Variants in CAV1 observed in about 807,000 individuals in gnomAD.
The protein encoded by CAV1 is caveolin 1.
Under a neutral mutation model 16.5 loss-of-function variants are expected in CAV1, and 10 were observed. That is an observed-to-expected ratio of 0.61 (90% CI 0.37 to 1.03). The LOEUF is 1.03. CAV1 is among the 50% of genes least tolerant of loss of function. The pLI, the probability that CAV1 is intolerant of heterozygous loss-of-function variation, is 0.01. For synonymous variants in CAV1, 76 were observed against 85.1 expected (o/e 0.89, Z 0.59); for missense variants, 212 against 232.8 (o/e 0.91, Z 0.58).
At chr7:116,528,128 G>T (rs1174196103) in intron 2 of CAV1, among the ~76,000 whole-genome samples, 1 of 150,076 alleles carries the variant, frequency 6.7e-6, no homozygotes, top group Non-Finnish European at 1.5e-5. Context: ...GAGTTGCCAG[G>T]AAAAGAGGCA....
intron 1 of CAV1, chr7:116,526,218 G>C: frequency 1.0e-6 from 1 of 996,366 alleles, no homozygotes; most frequent in Non-Finnish European, 1.2e-6. Flanking sequence ...GCGTGCGCGG[G>C]CGGGGGCCTT....
intron 2 of CAV1, among the ~76,000 whole-genome samples, chr7:116,558,637 C>T (rs1283384471): frequency 4.6e-5 from 7 of 151,688 alleles, no homozygotes; most frequent in Admixed American, 4.6e-4. Context: ...CCTGTGGTCC[C>T]AGCTACTTAA....
intron 2 of CAV1, among the ~76,000 whole-genome samples, chr7:116,557,062 T>C (rs1794307582): frequency 6.6e-6 from 1 of 152,198 alleles, no homozygotes; most frequent in South Asian, 2.1e-4. Context: ...AGTATTGACC[T>C]GATTTGCCAT....
At position 116,545,744 on chromosome 7, in the gene CAV1, AATG is replaced by A. The variant is rs1304541225; in HGVS notation, c.196-13197_196-13195del. Among the ~76,000 whole-genome samples the A allele has an allele frequency of 2.0e-5, 3 of 152,232 alleles. No homozygotes were observed. In the East Asian group the frequency reaches 5.8e-4, roughly 29 times the overall value. Reference sequence around the variant, plus strand: ...CATGCAGACCAATGGGTAGACTGAAAATGATGAAGACATTTCCGTTTCTTGTGT... The same window carrying A: ...CATGCAGACCAATGGGTAGACTGAAAATGAAGACATTTCCGTTTCTTGTGT... On this transcript the variant is annotated intron_variant, in intron 2 of 2. Transcript: ENST00000341049.
chr7:116,552,332 T>C (rs1794180302), intron 2 of CAV1, among the ~76,000 whole-genome samples: 1 of 152,208 alleles, frequency 6.6e-6, no homozygotes, highest in African/African-American at 2.4e-5. Flanking sequence ...ATTTAGGTAG[T>C]GTATTGTGGT....
chr7:116,533,390 A>G (rs1793726507), intron 2 of CAV1, among the ~76,000 whole-genome samples: 1 of 122,142 alleles, frequency 8.2e-6, no homozygotes, highest in African/African-American at 3.2e-5. Context: ...AATAAAATAA[A>G]ATAAAATAAA....
chr7:116,530,963 G>T (rs971601845), intron 2 of CAV1, among the ~76,000 whole-genome samples: 3 of 152,206 alleles, frequency 2.0e-5, no homozygotes, highest in Non-Finnish European at 4.4e-5. Context: ...AGATGTAATT[G>T]CATCATGGTC....
intron 2 of CAV1, among the ~76,000 whole-genome samples, chr7:116,546,035 A>G (rs888761034): frequency 7.2e-5 from 11 of 152,222 alleles, no homozygotes; most frequent in Admixed American, 2.0e-4. Flanking sequence ...CTCCTCAAAG[A>G]TGGCAAACAT....
chr7:116,553,696 G>T (rs948100281), intron 2 of CAV1, among the ~76,000 whole-genome samples: 3 of 152,156 alleles, frequency 2.0e-5, no homozygotes, highest in Admixed American at 1.3e-4. Flanking sequence ...AGCACATAAA[G>T]TGCTGCTCCA....
In CAV1 at chr7:116,526,599, G is replaced by A. The variant is rs1232112686; in HGVS notation, c.105G>A (p.Glu35=). ...CCAACAACAAGGCCATGGCAGACGA[G>A]CTGAGCGAGAAGCAAGTGTACGACG... ...YKPNNKAMAD[E]LSEKQVYDAH... is the part of the protein sequence containing the mutation. The change falls in exon 2 of 3, where the codon GAG becomes GAA. Residue 35 remains glutamate, a synonymous_variant. Transcript: ENST00000341049. The A allele has an allele frequency of 6.2e-7, 1 of 1,614,062 alleles. No individual in the cohort carries two copies. The highest frequency in any genetic ancestry group is 8.5e-7 in the Non-Finnish European group (1 of 1,180,044).
At chr7:116,552,858 C>G (rs1794190926) in intron 2 of CAV1, among the ~76,000 whole-genome samples, 1 of 152,162 alleles carries the variant, frequency 6.6e-6, no homozygotes, top group Non-Finnish European at 1.5e-5. Flanking sequence ...AAGTCTAAAC[C>G]AACTGTGACT....
At chr7:116,555,518 AAGAGAGAGAGAGAGAGAGAGAGAG>A (rs1187575266) in intron 2 of CAV1, among the ~76,000 whole-genome samples, 3,187 of 13,904 alleles carry the variant, frequency 0.23, 788 homozygotes, top group East Asian at 0.51. Flanking sequence ...GAAAGAAAGA[AAGAGAGAGAGAGAGAGAGAGAGAG>A]AGAAAGAAAG....
At chr7:116,547,249 A>G (rs1794069804) in intron 2 of CAV1, among the ~76,000 whole-genome samples, 2 of 152,310 alleles carry the variant, frequency 1.3e-5, no homozygotes, top group Admixed American at 6.5e-5. Context: ...GCACAATTCA[A>G]TGCATAACAG....
At chr7:116,528,151 G>A (rs1793609159) in intron 2 of CAV1, among the ~76,000 whole-genome samples, 1 of 150,636 alleles carries the variant, frequency 6.6e-6, no homozygotes, top group Admixed American at 6.6e-5. Context: ...TTTCAGAGAG[G>A]GCTGGCTTCA....
intron 2 of CAV1, among the ~76,000 whole-genome samples, chr7:116,541,187 T>C (rs1163634813): frequency 6.6e-6 from 1 of 152,140 alleles, no homozygotes; most frequent in Non-Finnish European, 1.5e-5. Flanking sequence ...GCTTTGATCT[T>C]AAGAGGGAGG....
intron 2 of CAV1, among the ~76,000 whole-genome samples, chr7:116,555,546 A>AGAGAG (rs1562838385): frequency 3.0e-5 from 1 of 33,798 alleles, no homozygotes; most frequent in African/African-American, 1.3e-4. Context: ...GAGAGAGAGA[A>AGAGAG]AGAAAGAAAG....
intron 2 of CAV1, among the ~76,000 whole-genome samples, chr7:116,547,714 T>C (rs1256794991): frequency 6.6e-6 from 1 of 152,198 alleles, no homozygotes; most frequent in Non-Finnish European, 1.5e-5. Flanking sequence ...ATCTTCCCAA[T>C]ACTGTTACTG....
intron 2 of CAV1, among the ~76,000 whole-genome samples, chr7:116,543,749 AG>A (rs1280200329): frequency 6.6e-6 from 1 of 152,232 alleles, no homozygotes; most frequent in Non-Finnish European, 1.5e-5. Flanking sequence ...CTAAATAAAA[AG>A]TGCTCAGACT....
chr7:116,559,299 AG>A lies in CAV1; in HGVS notation c.*14del, dbSNP rs1204917918. On this transcript the variant is annotated 3_prime_UTR_variant, in exon 3 of 3. Transcript: ENST00000341049. ...AGAAAGAAATATAAATGACATTTCA[AG>A]GATAGAAGTATACCTGATTTTTTTT... 6.3e-7 allele frequency: 1 copy of A among 1,598,632 alleles called. No homozygotes were observed. The highest frequency in any genetic ancestry group is 1.3e-5 in the African/African-American group (1 of 74,568).
Sources: gnomAD v4.1 joint callset for allele counts (sites outside exome capture counted in the v4.1 genomes callset) on GRCh38, gnomAD v4.1.1 for gene constraint, MANE v1.5 for transcripts, NCBI Gene and HGNC (gene_info 2026-07-23, HGNC 2026-07-21) for gene names.